The following KALRN variants were observed in gnomAD, a reference collection of about 807,000 sequenced individuals.
The protein encoded by KALRN is kalirin RhoGEF kinase, also known as kalirin.
In KALRN, 70 loss-of-function variants were observed where a neutral mutation model predicts 353.7. That is an observed-to-expected ratio of 0.20 (90% CI 0.16 to 0.24). The LOEUF is 0.24. Ranked by LOEUF, KALRN falls within the 10% of genes least tolerant of loss-of-function variation. The pLI is 1.00. For synonymous variants in KALRN, 1,391 were observed against 1,434.8 expected, an observed-to-expected ratio of 0.97 and a Z score of 0.69; for missense variants, 2,791 against 3,756.7, an observed-to-expected ratio of 0.74 and a Z score of 6.72.
chr3:124,549,573 G>T (rs2070206686), intron 33 of KALRN, among the ~76,000 whole-genome samples: 1 of 152,024 alleles, frequency 6.6e-6, no homozygotes. Flanking sequence ...TTTTATTTTA[G>T]TTTTATAGTA....
intron 1 of KALRN, among the ~76,000 whole-genome samples, chr3:124,209,147 A>G (rs2076684129): frequency 1.3e-5 from 2 of 152,054 alleles, no homozygotes; most frequent in Non-Finnish European, 2.9e-5. Context: ...GCCTTATTTT[A>G]CTTATGAGTC....
chr3:124,675,376 T>C (rs185845956), intron 49 of KALRN: 29 of 152,332 alleles, frequency 1.9e-4, no homozygotes, highest in Non-Finnish European at 3.8e-4. Flanking sequence ...AGTTTAAATG[T>C]ACTATTTTAA....
At position 124,084,940 on chromosome 3, in the gene KALRN, G is replaced by T. The variant is rs116931538; in HGVS notation, c.73+51127G>T. 2.8e-4 allele frequency among the ~76,000 whole-genome samples: 42 copies of T among 152,248 alleles called. No homozygotes were observed. The East Asian group carries it at 7.7e-3, about 28-fold the overall frequency. On this transcript the variant is annotated intron_variant, in intron 1 of 59. Transcript: ENST00000682506. Reference sequence around the variant, plus strand: ...TGGAGCCACAGCTCCACCTGTGAGGGCCCCCTTCCCCTCCCTCAGACACCC... The same window carrying T: ...TGGAGCCACAGCTCCACCTGTGAGGTCCCCCTTCCCCTCCCTCAGACACCC...
At chr3:124,081,336 G>C (rs1008942706) in intron 1 of KALRN, among the ~76,000 whole-genome samples, 3 of 152,210 alleles carry the variant, frequency 2.0e-5, no homozygotes, top group Non-Finnish European at 2.9e-5. Flanking sequence ...CCAGTTGCCT[G>C]TCTTACCTAT....
intron 25 of KALRN, among the ~76,000 whole-genome samples, chr3:124,463,210 T>C (rs1374148034): frequency 6.6e-6 from 1 of 152,218 alleles, no homozygotes; most frequent in Non-Finnish European, 1.5e-5. Context: ...TGTTCCATGG[T>C]TAACAAAGGA....
chr3:124,329,392 T>C (rs1330283002), intron 7 of KALRN, among the ~76,000 whole-genome samples: 1 of 152,148 alleles, frequency 6.6e-6, no homozygotes, highest in East Asian at 1.9e-4. Flanking sequence ...TTCCTGGTGG[T>C]CTGTGTGAGG....
intron 53 of KALRN, among the ~76,000 whole-genome samples, chr3:124,694,929 G>A (rs2061982205): frequency 6.6e-6 from 1 of 152,078 alleles, no homozygotes; most frequent in East Asian, 1.9e-4. Flanking sequence ...CACCCTGGTA[G>A]ATGATCTTTC....
At chr3:124,102,514 T>C (rs1057384202) in intron 1 of KALRN, among the ~76,000 whole-genome samples, 6 of 152,222 alleles carry the variant, frequency 3.9e-5, no homozygotes, top group African/African-American at 1.4e-4. Context: ...CACAATGTGC[T>C]CCTGTGGGTA....
intron 34 of KALRN, among the ~76,000 whole-genome samples, chr3:124,597,456 G>A (rs148158807): frequency 4.9e-4 from 74 of 152,340 alleles, no homozygotes; most frequent in Admixed American, 7.2e-4. Flanking sequence ...ATAGCAGCCT[G>A]GGATGATCTG....
intron 33 of KALRN, among the ~76,000 whole-genome samples, chr3:124,560,947 G>T (rs1171144236): frequency 6.6e-6 from 1 of 152,186 alleles, no homozygotes; most frequent in Non-Finnish European, 1.5e-5. Context: ...GAGGGGTGGA[G>T]CAAGAGAAGG....
chr3:124,621,455 A>C (rs1413799875), intron 34 of KALRN, among the ~76,000 whole-genome samples: 1 of 152,226 alleles, frequency 6.6e-6, no homozygotes, highest in African/African-American at 2.4e-5. Flanking sequence ...GTGGCATAGT[A>C]AGTGGGAGGC....
intron 10 of KALRN, among the ~76,000 whole-genome samples, chr3:124,367,699 C>CA: frequency 5.8e-5 from 1 of 17,120 alleles, no homozygotes; most frequent in African/African-American, 1.7e-4. Flanking sequence ...GCTGACCCCC[C>CA]CACCTCCCTC....
chr3:124,264,464 A>G (rs747305400), intron 3 of KALRN, 34 bp from the exon 4 acceptor site: 3 of 1,601,158 alleles, frequency 1.9e-6, no homozygotes, highest in African/African-American at 1.3e-5. Flanking sequence ...TCAGCTACCC[A>G]GAGTGACCAT....
intron 1 of KALRN, among the ~76,000 whole-genome samples, chr3:124,185,271 C>A (rs986960862): frequency 1.2e-4 from 19 of 152,234 alleles, no homozygotes; most frequent in Admixed American, 2.6e-4. Flanking sequence ...CCGTCTTGGC[C>A]TCCCAAATTG....
In KALRN at chr3:124,329,844, C is replaced by T. The variant is rs1400054958; in HGVS notation, c.1285-17C>T. The stretch of plus-strand genomic sequence containing the variant: ...CCCCAGTGCTCCCCCACTGATCCAC[C>T]CTGCATCTCCTTCCAGTTCCTGTCG... On this transcript the variant is annotated splice_polypyrimidine_tract_variant and intron_variant, in intron 7 of 59. Transcript: ENST00000682506. 2.5e-6 allele frequency: 4 copies of T among 1,610,906 alleles called. No homozygotes were observed. The highest frequency in any genetic ancestry group is 3.4e-6 in the Non-Finnish European group (4 of 1,178,316).
Position 124,155,584 on chromosome 3 carries a change from CACAG to C in KALRN, c.74-72401_74-72398del, listed in dbSNP as rs1458415038. On this transcript the variant is annotated intron_variant, in intron 1 of 59. Transcript: ENST00000682506. ...CTTTAATAGAATCATAGTATGAACA[CACAG>C]ACAGTTCACAAACAAGACAGTTAAG... is the stretch of plus-strand genomic sequence containing the variant. Among the ~76,000 whole-genome samples the C allele has an allele frequency of 2.2e-4, 34 of 152,308 alleles. 1 individual carries two copies. Among genetic ancestry groups the C allele is most frequent in the Admixed American group, 5.2e-4 (8 of 15,294 alleles).
At position 124,562,957 on chromosome 3, in the gene KALRN, C is replaced by A; in HGVS notation, c.5050C>A (p.Arg1684=). ...AGAGCTGCTGGAGCGGCCCAGCGAG[C>A]GGCCTGGTTGGTGTCTGGTCCGTAC... ...TVELLERPSE[R]PGWCLVRTTE... is the part of the protein sequence containing the mutation. The change falls in exon 34 of 60, where the codon CGG becomes AGG. Residue 1684 remains arginine, a synonymous_variant. Transcript: ENST00000682506. 7.3e-7 allele frequency: 1 copy of A among 1,367,916 alleles called. No individual in the cohort carries two copies. Among genetic ancestry groups the A allele is most frequent in the Non-Finnish European group, 9.8e-7 (1 of 1,022,020 alleles). The allele number at this position is 1,367,916 out of a possible 1,614,324, so 84.7% of individuals were successfully genotyped here. A position where few individuals can be genotyped will look rare whatever the true frequency, so the allele number is the denominator to read the frequency against.
At chr3:124,186,126 C>T (rs183476153) in intron 1 of KALRN, among the ~76,000 whole-genome samples, 6 of 152,128 alleles carry the variant, frequency 3.9e-5, no homozygotes, top group African/African-American at 1.4e-4. Flanking sequence ...AGTGGAGTAT[C>T]TTCATAAGAC....
At chr3:124,404,423 A>T (rs1357312919) in intron 13 of KALRN, among the ~76,000 whole-genome samples, 4 of 151,852 alleles carry the variant, frequency 2.6e-5, no homozygotes, top group African/African-American at 9.7e-5. Context: ...CTGTCTGCTG[A>T]ATGGAGCCTG....
Sources: gnomAD v4.1 joint callset for allele counts (sites outside exome capture counted in the v4.1 genomes callset) on GRCh38, gnomAD v4.1.1 for gene constraint, MANE v1.5 for transcripts, NCBI Gene and HGNC (gene_info 2026-07-23, HGNC 2026-07-21) for gene names.